Variants in ZNF362 observed in about 807,000 individuals in gnomAD.
The protein encoded by ZNF362 is zinc finger protein 362, also known as rotund homolog.
ZNF362 carries 11 observed loss-of-function variants against 42.9 expected under a neutral mutation model. The observed-to-expected ratio is 0.26, with a 90% confidence interval of 0.16 to 0.42. ZNF362 has a LOEUF of 0.42. Among genes scored for constraint, ZNF362 ranks in the 20% least tolerant of loss-of-function variants. The pLI is 1.00. For missense variants in ZNF362, 362 were observed against 576.2 expected (o/e 0.63, Z 3.81); for synonymous variants, 255 against 257.3 (o/e 0.99, Z 0.09).
chr1:33,250,277 A>C, the ZNF362 span, among the ~76,000 whole-genome samples: 2 of 152,104 alleles, frequency 1.3e-5, no homozygotes, highest in African/African-American at 4.8e-5. Context: ...TCTCAAGACT[A>C]CTGTAGGGGG....
rs1365453547 is a variant in ZNF362, at chr1:33,294,899, T to C, written c.909-38T>C. 5.0e-6 allele frequency: 8 copies of C among 1,612,068 alleles called. No homozygotes were observed. The highest frequency in any genetic ancestry group is 6.8e-6 in the Non-Finnish European group (8 of 1,178,252). On this transcript the variant is annotated intron_variant, in intron 6 of 8. Transcript: ENST00000539719. This position sits in a 1 kb window ranked among gnomAD's most constrained non-coding sequence, Gnocchi z 4.2. Reference sequence around the variant, plus strand: ...GGAACTGGAGCGGTCTTGGGGTGTGTGTCAGGGACTTCGACCTTACTGGGC... The same window carrying C: ...GGAACTGGAGCGGTCTTGGGGTGTGCGTCAGGGACTTCGACCTTACTGGGC...
chr1:33,151,538 C>A, the ZNF362 span, among the ~76,000 whole-genome samples: 4 of 152,160 alleles, frequency 2.6e-5, no homozygotes, highest in African/African-American at 7.2e-5. Context: ...ACCCCTTCCC[C>A]CTCTGAGAAG....
chr1:33,151,764 A>G, the ZNF362 span, among the ~76,000 whole-genome samples: 4 of 152,246 alleles, frequency 2.6e-5, no homozygotes, highest in African/African-American at 9.6e-5. Context: ...GGTCAAAGGC[A>G]TTCAGGAAGG....
intron 4 of ZNF362, among the ~76,000 whole-genome samples, 192 bp downstream of exon 4, chr1:33,276,786 G>C (rs544551622): frequency 6.6e-6 from 1 of 152,354 alleles, no homozygotes; most frequent in South Asian, 2.1e-4. Context: ...CAACGACCCA[G>C]TACTGGAAGG....
the ZNF362 span, among the ~76,000 whole-genome samples, chr1:33,131,574 A>T: frequency 6.6e-6 from 1 of 152,236 alleles, no homozygotes; most frequent in East Asian, 1.9e-4. Flanking sequence ...TAAATATTGA[A>T]TATTGATTTT....
the ZNF362 span, among the ~76,000 whole-genome samples, chr1:33,150,713 T>G: frequency 1.3e-5 from 2 of 152,068 alleles, no homozygotes. Flanking sequence ...TGTGGGCAAT[T>G]CCCACAGTGG....
chr1:33,197,841 A>G, the ZNF362 span, among the ~76,000 whole-genome samples: 1 of 152,208 alleles, frequency 6.6e-6, no homozygotes, highest in Non-Finnish European at 1.5e-5. Flanking sequence ...AGAACTTTAC[A>G]AAAAGAGTAG....
At chr1:33,260,934 A>G (rs1188184427) in intron 1 of ZNF362, among the ~76,000 whole-genome samples, 1 of 152,156 alleles carries the variant, frequency 6.6e-6, no homozygotes, top group Non-Finnish European at 1.5e-5. Flanking sequence ...CCATGATAGG[A>G]TGATCCAGTC....
At chr1:33,174,319 C>T in the ZNF362 span, among the ~76,000 whole-genome samples, 9 of 152,098 alleles carry the variant, frequency 5.9e-5, no homozygotes, top group African/African-American at 1.9e-4. Context: ...ATAGCTGGGA[C>T]TACAGGTGCA....
chr1:33,227,538 C>A, the ZNF362 span, among the ~76,000 whole-genome samples: 7 of 152,172 alleles, frequency 4.6e-5, no homozygotes, highest in Non-Finnish European at 8.8e-5. Context: ...AGTGAAGGAA[C>A]CCCCAGATGA....
the ZNF362 span, chr1:33,195,675 G>C: frequency 6.6e-6 from 1 of 151,840 alleles, no homozygotes; most frequent in East Asian, 1.9e-4. Context: ...TGGCATAAAA[G>C]ATTAAAGTAT....
At chr1:33,259,531 T>G (rs1227364423) in intron 1 of ZNF362, among the ~76,000 whole-genome samples, 2 of 152,222 alleles carry the variant, frequency 1.3e-5, no homozygotes, top group Non-Finnish European at 2.9e-5. Context: ...CACGGGCTAT[T>G]TTATTCATTC....
At chr1:33,160,518 C>T in the ZNF362 span, among the ~76,000 whole-genome samples, 211 of 152,202 alleles carry the variant, frequency 1.4e-3, 4 homozygotes, top group East Asian at 0.032. Flanking sequence ...GATTCTCCAG[C>T]CTCAGCCTCC....
chr1:33,200,463 C>T, the ZNF362 span: 1 of 152,072 alleles, frequency 6.6e-6, no homozygotes, highest in East Asian at 1.9e-4. Flanking sequence ...TCAAGAATTA[C>T]ATTAATGTAA....
At chr1:33,141,949 T>TC in the ZNF362 span, 14 of 153,012 alleles carry the variant, frequency 9.1e-5, no homozygotes, top group African/African-American at 2.9e-4. Context: ...TAAAAGTACT[T>TC]CCCCCCTCCC....
At chr1:33,256,172 T>TGGCGGC (rs535478080), upstream of ZNF362, among the ~76,000 whole-genome samples, 42 of 145,592 alleles carry the variant, frequency 2.9e-4, no homozygotes, top group Middle Eastern at 7.1e-3. Context: ...TGCCAGGCGG[T>TGGCGGC]GGCGGCGGCG....
At chr1:33,235,510 TTG>T in the ZNF362 span, among the ~76,000 whole-genome samples, 484 of 152,282 alleles carry the variant, frequency 3.2e-3, 15 homozygotes, top group East Asian at 0.083. Context: ...CATCTGTGCC[TTG>T]TTAAAGAAAA....
the ZNF362 span, among the ~76,000 whole-genome samples, chr1:33,222,299 T>A: frequency 7.9e-5 from 12 of 152,154 alleles, no homozygotes; most frequent in Non-Finnish European, 1.6e-4. Context: ...ACCAACCCTA[T>A]TTCTAACCTA....
At chr1:33,160,065 G>A in the ZNF362 span, 1 of 1,299,474 alleles carries the variant, frequency 7.7e-7, no homozygotes, top group Non-Finnish European at 1.1e-6. Context: ...GGCACGCGTG[G>A]TGGGGGAAAT....
Sources: allele counts gnomAD v4.1 joint callset (sites outside exome capture counted in the v4.1 genomes callset), GRCh38; gene constraint gnomAD v4.1.1; non-coding constraint Gnocchi (gnomAD v3.1); transcripts MANE v1.5; gene names NCBI Gene and HGNC (gene_info 2026-07-23, HGNC 2026-07-21).